NPAS1: variants seen among roughly 807,000 people sequenced by gnomAD.
NPAS1 encodes neuronal PAS domain protein 1.
In NPAS1, 29 loss-of-function variants were observed where a neutral mutation model predicts 49.2. The observed-to-expected ratio is 0.59, with a 90% CI of 0.44 to 0.80. NPAS1 has a LOEUF of 0.80. Ranked by LOEUF, NPAS1 falls within the 30% of genes least tolerant of loss-of-function variation. The pLI, the probability that NPAS1 is intolerant of heterozygous loss-of-function variation, is 0.00. For missense variants in NPAS1, 825 were observed against 835.5 expected, an observed-to-expected ratio of 0.99 and a Z score of 0.15; for synonymous variants, 408 against 380.4, an observed-to-expected ratio of 1.07 and a Z score of -0.84.
intron 1 of NPAS1, among the ~76,000 whole-genome samples, chr19:47,020,632 C>T (rs2056832908): frequency 6.6e-6 from 1 of 151,900 alleles, no homozygotes; most frequent in African/African-American, 2.4e-5. Context: ...CTGGGGCGTG[C>T]GTGCCTGGCC....
chr19:47,039,675 A>C, intron 8 of NPAS1, 111 bp downstream of exon 8: 1 of 1,216,246 alleles, frequency 8.2e-7, no homozygotes, highest in South Asian at 1.5e-5. Flanking sequence ...CTGGGGAGCC[A>C]TGGGAGGCGG....
In NPAS1 at chr19:47,021,119, C is replaced by T. The variant is rs748777554; in HGVS notation, c.72C>T (p.Val24=). 110 of 1,601,630 alleles carry T rather than the reference C, an allele frequency of 6.9e-5. No homozygotes were observed. Among genetic ancestry groups the T allele is most frequent in the Non-Finnish European group, 9.1e-5 (107 of 1,174,932 alleles). ...VKCVGGRGAS[V]PWDFLPGLMV... Reference sequence around the variant, plus strand: ...GCGTGGGAGGCCGCGGCGCCAGCGTCCCCTGGGACTTTCTACCCGGGCTGA... The same window carrying T: ...GCGTGGGAGGCCGCGGCGCCAGCGTTCCCTGGGACTTTCTACCCGGGCTGA... Residue 24 remains valine (V), a synonymous_variant, in exon 2 of 12, where the codon GTC becomes GTT. Coordinates refer to ENST00000602212, the MANE Select transcript of NPAS1 (RefSeq NM_002517.4). The surrounding 1 kb of genome is among the most constrained non-coding windows in gnomAD (Gnocchi z 5.7).
At position 47,040,858 on chromosome 19, in the gene NPAS1, A is replaced by T. The variant is rs575169360; in HGVS notation, c.1070-120A>T. On this transcript the variant is annotated intron_variant, in intron 9 of 11. Transcript: ENST00000602212. ...GCTTTCACCTTTTTCTCTTCTCCCC[A>T]CCGTCTCCCTGCCCACTCCCCTGCT... 4.2e-5 allele frequency: 34 copies of T among 808,488 alleles called. No individual in the cohort carries two copies. The South Asian group carries it at 4.9e-4, about 12-fold the overall frequency. 50.1% of individuals were successfully genotyped at this position (808,488 alleles called of 1,614,324 possible).
intron 6 of NPAS1, among the ~76,000 whole-genome samples, chr19:47,037,290 G>A (rs1464054210): frequency 1.5e-5 from 2 of 133,328 alleles, no homozygotes; most frequent in Non-Finnish European, 3.1e-5. Flanking sequence ...GGTGGAGGTT[G>A]CACTGAGCCG....
chr19:47,037,435 T>C lies in NPAS1; in HGVS notation c.688+1306T>C, dbSNP rs571086886. Among the ~76,000 whole-genome samples, 29 of 148,986 alleles carry C rather than the reference T, an allele frequency of 1.9e-4. No individual in the cohort carries two copies. The South Asian group carries it at 6.1e-3, about 31-fold the overall frequency. On this transcript the variant is annotated intron_variant, in intron 6 of 11. Transcript: ENST00000602212. ...TTATCTCCATTTTACATCAGAAAAC[T>C]GAGGCACGGCGCGGAGAGGTTAAGT...
chr19:47,036,775 G>C (rs1265095890), intron 6 of NPAS1, among the ~76,000 whole-genome samples: 2 of 151,366 alleles, frequency 1.3e-5, no homozygotes, highest in African/African-American at 4.9e-5. Context: ...CCAGCTACTC[G>C]GGAGGCTGAG....
At chr19:47,039,008 C>T (rs1205341650) in intron 6 of NPAS1, 28 bp from the exon 7 acceptor site, 8 of 1,601,352 alleles carry the variant, frequency 5.0e-6, no homozygotes, top group South Asian at 1.1e-5. Context: ...TTCAGGACCC[C>T]ATAACCTTCC....
chr19:47,041,084 C>A lies in NPAS1; in HGVS notation c.1176C>A (p.Ser392Arg). The A allele has an allele frequency of 6.3e-7, 1 of 1,595,778 alleles. No homozygotes were observed. The highest frequency in any genetic ancestry group is 8.5e-7 in the Non-Finnish European group (1 of 1,174,596). Residue 392 changes from serine to arginine, a missense_variant, in exon 10 of 12, where the codon AGC becomes AGA. Physicochemically the swap from Ser to Arg is moderately radical, Grantham distance 110. Transcript: ENST00000602212. ...CCACAGTGGCTGGGAGCGGGAAGAG[C>A]CCCGGGGAGCACCATGTGCTTTGGG... ...SVATVAGSGK[S>R]PGEHHVLWVS...
Position 47,038,891 on chromosome 19 carries a change from T to A in NPAS1, c.689-145T>A, listed in dbSNP as rs80186083. On this transcript the variant is annotated intron_variant, in intron 6 of 11. Transcript: ENST00000602212. ...GAGCCCACATACTGTCCCCATGAGCTTTCAAAATCATCAGGCATGCCTCTG... is the reference window on the plus strand; with the variant it reads ...GAGCCCACATACTGTCCCCATGAGCATTCAAAATCATCAGGCATGCCTCTG... 1.6e-3 allele frequency: 1,040 copies of A among 666,400 alleles called. 11 individuals carry two copies. In the African/African-American group the frequency reaches 0.017, roughly 11 times the overall value. 41.3% of individuals were successfully genotyped at this position (666,400 alleles called of 1,614,324 possible). A position where few individuals can be genotyped will look rare whatever the true frequency, so the allele number is the denominator to read the frequency against.
Position 47,021,533 on chromosome 19 carries a change from G to A in NPAS1, c.123-79G>A, listed in dbSNP as rs2056841025. On this transcript the variant is annotated intron_variant, in intron 2 of 11. Coordinates refer to ENST00000602212, the MANE Select transcript of NPAS1 (RefSeq NM_002517.4). This position sits in a 1 kb window ranked among gnomAD's most constrained non-coding sequence, Gnocchi z 5.7. ...GTCCCGTCCCGTTCCCAAGGCCCCG[G>A]GAGGCGGGGCTCGCCCCCAGTTCCC... 2.0e-6 allele frequency: 2 copies of A among 981,508 alleles called. No individual in the cohort carries two copies. The highest frequency in any genetic ancestry group is 3.5e-5 in the African/African-American group (2 of 57,648). The allele number at this position is 981,508 out of a possible 1,614,324, so 60.8% of individuals were successfully genotyped here. A position where few individuals can be genotyped will look rare whatever the true frequency, so the allele number is the denominator to read the frequency against.
intron 3 of NPAS1, among the ~76,000 whole-genome samples, chr19:47,024,904 G>T (rs1342060386): frequency 7.8e-6 from 1 of 127,914 alleles, no homozygotes; most frequent in Non-Finnish European, 1.9e-5. Context: ...CCGCCTCCTG[G>T]GTTCAAGCAA....
At chr19:47,035,188 T>TG (rs1555771722) in intron 5 of NPAS1, 2 of 49,038 alleles carry the variant, frequency 4.1e-5, no homozygotes, top group South Asian at 8.1e-4. Flanking sequence ...TCTAAAAAAA[T>TG]AAAAAGAAGA....
In NPAS1 at chr19:47,021,089, C is replaced by G. The variant is rs375555130; in HGVS notation, c.42C>G (p.Val14=). 3 of 1,604,502 alleles carry G rather than the reference C, an allele frequency of 1.9e-6. No individual in the cohort carries two copies. The highest frequency in any genetic ancestry group is 2.7e-5 in the African/African-American group (2 of 73,772). Residue 14 remains valine (V), a synonymous_variant, in exon 2 of 12, where the codon GTC becomes GTG. Transcript: ENST00000602212. This position sits in a 1 kb window ranked among gnomAD's most constrained non-coding sequence, Gnocchi z 5.7. Reference sequence around the variant, plus strand: ...CCGGCAGTGGCGGCGGAAGCGAGGTCAAATGCGTGGGAGGCCGCGGCGCCA... The same window carrying G: ...CCGGCAGTGGCGGCGGAAGCGAGGTGAAATGCGTGGGAGGCCGCGGCGCCA... ...PYPGSGGGSE[V]KCVGGRGASV... is the part of the protein sequence containing the mutation.
In NPAS1 at chr19:47,040,492, C is replaced by T. The variant is rs765271288; in HGVS notation, c.1011C>T (p.Ser337=). 2.7e-5 allele frequency: 43 copies of T among 1,605,178 alleles called. No homozygotes were observed. The highest frequency in any genetic ancestry group is 3.7e-5 in the Non-Finnish European group (43 of 1,176,376). ...GGCCCTCAGAGCTGGTGGGCCGCAG[C>T]TGCTACCAGTTTGTCCACGGACAGG... ...DLGPSELVGR[S]CYQFVHGQDA... The change falls in exon 9 of 12, where the codon AGC becomes AGT. Residue 337 remains serine, a synonymous_variant. Coordinates refer to ENST00000602212, the MANE Select transcript of NPAS1 (RefSeq NM_002517.4).
At chr19:47,036,164 G>GGGTA (rs767875500) in intron 6 of NPAS1, 35 bp downstream of exon 6, 66 of 1,545,140 alleles carry the variant, frequency 4.3e-5, no homozygotes, top group Non-Finnish European at 5.6e-5. Context: ...TGAAGTCTGA[G>GGGTA]GGTAGATCGG....
chr19:47,027,923 G>A (rs892954346), intron 3 of NPAS1, among the ~76,000 whole-genome samples: 6 of 152,200 alleles, frequency 3.9e-5, no homozygotes, highest in African/African-American at 9.6e-5. Flanking sequence ...TTTGAGGGGA[G>A]AGGGAGAGGA....
chr19:47,021,698 A>T lies in NPAS1; in HGVS notation c.209A>T (p.Lys70Met). The change falls in exon 3 of 12, where the codon AAG becomes ATG. Residue 70 changes from lysine to methionine, a missense_variant. By Grantham distance (95) the Lys-to-Met change is moderately conservative (BLOSUM62 -1). Coordinates refer to ENST00000602212, the MANE Select transcript of NPAS1 (RefSeq NM_002517.4). The surrounding 1 kb of genome is among the most constrained non-coding windows in gnomAD (Gnocchi z 5.7). The stretch of plus-strand genomic sequence containing the variant: ...AACCTGGAGTTCTTCGAGCTGGCCA[A>T]GCTTCTCCCGCTGCCCGGCGCCATC... ...KENLEFFELAKLLPLPGAISS... is the reference protein window; with the variant it reads ...KENLEFFELAMLLPLPGAISS... 11 of 1,560,086 alleles carry T rather than the reference A, an allele frequency of 7.1e-6. No individual in the cohort carries two copies. Among genetic ancestry groups the T allele is most frequent in the Non-Finnish European group, 9.5e-6 (11 of 1,154,026 alleles).
At chr19:47,034,272 G>C (rs1224475062) in intron 5 of NPAS1, among the ~76,000 whole-genome samples, 1 of 139,748 alleles carries the variant, frequency 7.2e-6, no homozygotes, top group Non-Finnish European at 1.5e-5. Flanking sequence ...CGAGATCGTG[G>C]CATTGCACTC....
chr19:47,040,736 T>C, intron 9 of NPAS1, 186 bp downstream of exon 9: 1 of 584,602 alleles, frequency 1.7e-6, no homozygotes, highest in Non-Finnish European at 3.0e-6. Context: ...AGGATGTGTG[T>C]GTGGGGGGGG....
Sources: allele counts gnomAD v4.1 joint callset (sites outside exome capture counted in the v4.1 genomes callset), GRCh38; gene constraint gnomAD v4.1.1; non-coding constraint Gnocchi (gnomAD v3.1); transcripts MANE v1.5; gene names NCBI Gene and HGNC (gene_info 2026-07-23, HGNC 2026-07-21).